PITPNC1: variants seen among roughly 807,000 people sequenced by gnomAD.
PITPNC1 encodes cytoplasmic phosphatidylinositol transfer protein 1.
A neutral mutation model predicts 44.7 loss-of-function variants in PITPNC1; 18 were observed. The ratio of observed to expected loss-of-function variants is 0.40; its 90% CI spans 0.28 to 0.60. PITPNC1 has a LOEUF of 0.60. PITPNC1 is among the 20% of genes least tolerant of loss of function. PITPNC1 has a pLI of 0.39. For synonymous variants in PITPNC1, 141 were observed against 149.6 expected (o/e 0.94, Z 0.42); for missense variants, 290 against 418.4 (o/e 0.69, Z 2.68).
At chr17:67,391,277 TATA>T (rs1392695299) in intron 1 of PITPNC1, among the ~76,000 whole-genome samples, 2 of 152,084 alleles carry the variant, frequency 1.3e-5, no homozygotes, top group East Asian at 1.9e-4. Context: ...GATGATACCC[TATA>T]ATAATGTTGT....
chr17:67,612,830 G>A (rs2041705729), intron 5 of PITPNC1: 2 of 152,452 alleles, frequency 1.3e-5, no homozygotes, highest in African/African-American at 4.8e-5. Context: ...CAGGAAGGTG[G>A]ATTTGTGAGA....
At chr17:67,636,839 T>A (rs1397757062) in intron 6 of PITPNC1, among the ~76,000 whole-genome samples, 1 of 152,142 alleles carries the variant, frequency 6.6e-6, no homozygotes, top group Non-Finnish European at 1.5e-5. Flanking sequence ...AATGTCTAAC[T>A]GGCACACTGT....
At chr17:67,640,999 A>AG in intron 6 of PITPNC1, among the ~76,000 whole-genome samples, 1 of 152,256 alleles carries the variant, frequency 6.6e-6, no homozygotes. Flanking sequence ...CAAAAAAAAA[A>AG]GAAACCCATG....
intron 1 of PITPNC1, among the ~76,000 whole-genome samples, chr17:67,498,997 G>A (rs1289949022): frequency 3.3e-5 from 5 of 151,434 alleles, no homozygotes; most frequent in East Asian, 1.9e-4. Context: ...TCAGCCTCCA[G>A]AGTAGCTGGG....
At chr17:67,488,879 G>A (rs1461715219) in intron 1 of PITPNC1, among the ~76,000 whole-genome samples, 2 of 152,188 alleles carry the variant, frequency 1.3e-5, no homozygotes, top group Non-Finnish European at 2.9e-5. Context: ...TTCTCTTAGC[G>A]TAATATCCTC....
At chr17:67,680,101 T>A (rs2042674613) in intron 8 of PITPNC1, among the ~76,000 whole-genome samples, 3 of 152,062 alleles carry the variant, frequency 2.0e-5, no homozygotes. Flanking sequence ...GGAGGCAAGA[T>A]TAAAATGGAG....
intron 1 of PITPNC1, among the ~76,000 whole-genome samples, chr17:67,437,591 C>T (rs1354959354): frequency 6.6e-6 from 1 of 152,166 alleles, no homozygotes; most frequent in Non-Finnish European, 1.5e-5. Flanking sequence ...ACCTCCTAAG[C>T]ATCACTGGTT....
intron 5 of PITPNC1, among the ~76,000 whole-genome samples, chr17:67,593,545 C>T (rs2041420984): frequency 6.6e-6 from 1 of 152,088 alleles, no homozygotes; most frequent in Non-Finnish European, 1.5e-5. Flanking sequence ...ATTATAGGTG[C>T]ATGCCACCAC....
At chr17:67,668,819 A>G (rs9893440) in intron 6 of PITPNC1, among the ~76,000 whole-genome samples, 124,041 of 151,282 alleles carry the variant, frequency 0.82, 51,005 homozygotes, top group East Asian at 0.88. Flanking sequence ...CCGAGATCGC[A>G]CCACTGCACT....
intron 1 of PITPNC1, among the ~76,000 whole-genome samples, chr17:67,529,002 G>A (rs1244755462): frequency 6.6e-6 from 1 of 152,138 alleles, no homozygotes; most frequent in Admixed American, 6.5e-5. Context: ...AGTGACGGCT[G>A]CAGAGCCCTT....
intron 1 of PITPNC1, among the ~76,000 whole-genome samples, chr17:67,526,605 G>C (rs1442860869): frequency 6.6e-6 from 1 of 152,092 alleles, no homozygotes; most frequent in Non-Finnish European, 1.5e-5. Context: ...GGTGGTGTGT[G>C]CCTGTAATCC....
At chr17:67,634,215 TAA>T (rs2042004419) in intron 6 of PITPNC1, among the ~76,000 whole-genome samples, 2 of 152,052 alleles carry the variant, frequency 1.3e-5, no homozygotes, top group African/African-American at 4.8e-5. Context: ...AGATGAGTGG[TAA>T]AGAGTCCAGT....
At chr17:67,450,252 C>T (rs555947206) in intron 1 of PITPNC1, among the ~76,000 whole-genome samples, 1 of 152,204 alleles carries the variant, frequency 6.6e-6, no homozygotes, top group Non-Finnish European at 1.5e-5. Context: ...ACTGCGTTTT[C>T]TTCAATTGCT....
At chr17:67,490,073 AT>A (rs1158888386) in intron 1 of PITPNC1, among the ~76,000 whole-genome samples, 7 of 151,844 alleles carry the variant, frequency 4.6e-5, no homozygotes, top group Non-Finnish European at 7.4e-5. Context: ...AGATTTGTAC[AT>A]CTCAGCCCAA....
At chr17:67,614,470 G>A (rs1023199124) in intron 5 of PITPNC1, among the ~76,000 whole-genome samples, 1 of 151,864 alleles carries the variant, frequency 6.6e-6, no homozygotes, top group Non-Finnish European at 1.5e-5. Context: ...TCATGAGCTC[G>A]AGATCAGCCT....
At chr17:67,586,265 A>T (rs1379322036) in intron 5 of PITPNC1, among the ~76,000 whole-genome samples, 9 of 152,096 alleles carry the variant, frequency 5.9e-5, no homozygotes, top group Non-Finnish European at 1.3e-4. Context: ...GGAGTTTTTT[A>T]AAATTTTTTA....
chr17:67,410,808 C>T (rs141005986), intron 1 of PITPNC1, among the ~76,000 whole-genome samples: 120 of 151,602 alleles, frequency 7.9e-4, no homozygotes, highest in African/African-American at 2.6e-3. Flanking sequence ...AGTTGGGCTG[C>T]GCTGGGTGGC....
intron 6 of PITPNC1, among the ~76,000 whole-genome samples, chr17:67,640,100 C>A (rs117106762): frequency 6.6e-6 from 1 of 151,902 alleles, no homozygotes; most frequent in Non-Finnish European, 1.5e-5. Flanking sequence ...TCCCGTTTCC[C>A]TCAAGTCCAT....
intron 1 of PITPNC1, among the ~76,000 whole-genome samples, chr17:67,402,545 C>G (rs1268226872): frequency 1.3e-5 from 2 of 151,766 alleles, no homozygotes; most frequent in African/African-American, 4.8e-5. Flanking sequence ...TCTCTCTAAC[C>G]TGTGGGTATG....
Sources: gnomAD v4.1 joint callset for allele counts (sites outside exome capture counted in the v4.1 genomes callset) on GRCh38, gnomAD v4.1.1 for gene constraint, MANE v1.5 for transcripts, NCBI Gene and HGNC (gene_info 2026-07-23, HGNC 2026-07-21) for gene names.